The following FAT3 variants were observed in gnomAD, a reference collection of about 807,000 sequenced individuals.
FAT3 encodes FAT atypical cadherin 3.
FAT3 carries 95 observed loss-of-function variants against 310.2 expected under a neutral mutation model. The observed-to-expected ratio is 0.31, with a 90% confidence interval of 0.26 to 0.36. FAT3 has a LOEUF of 0.36. Among genes scored for constraint, FAT3 ranks in the 10% least tolerant of loss-of-function variants. The pLI, the probability that FAT3 is intolerant of heterozygous loss-of-function variation, is 1.00. For missense variants in FAT3, 5,408 were observed against 5,715.6 expected (o/e 0.95, Z 1.74); for synonymous variants, 2,314 against 2,192.9 (o/e 1.06, Z -1.54).
At chr11:92,323,229 A>G (rs912735319) in intron 1 of FAT3, among the ~76,000 whole-genome samples, 11 of 151,000 alleles carry the variant, frequency 7.3e-5, no homozygotes, top group South Asian at 2.1e-4. Context: ...ACATATATAT[A>G]TGTGTGTGTG....
chr11:92,535,249 T>C (rs530291068), intron 3 of FAT3, among the ~76,000 whole-genome samples: 3 of 152,148 alleles, frequency 2.0e-5, no homozygotes, highest in South Asian at 2.1e-4. Flanking sequence ...GAAGCAGAGA[T>C]TGGAGTGATG....
At chr11:92,300,986 G>A (rs1591074364) in intron 1 of FAT3, among the ~76,000 whole-genome samples, 1 of 152,176 alleles carries the variant, frequency 6.6e-6, no homozygotes, top group Admixed American at 6.5e-5. Flanking sequence ...TCCACATTTG[G>A]CTTGGTGCCA....
chr11:92,336,059 C>G, intron 1 of FAT3: 1 of 504,444 alleles, frequency 2.0e-6, no homozygotes, highest in Admixed American at 2.3e-5. Context: ...GCAACTGGAT[C>G]GTGCTGGGGT....
intron 2 of FAT3, among the ~76,000 whole-genome samples, chr11:92,445,744 G>C (rs778505890): frequency 1.3e-5 from 2 of 152,102 alleles, no homozygotes; most frequent in Non-Finnish European, 2.9e-5. Context: ...TCATTTTTGG[G>C]GGGGTGCAGG....
At chr11:92,232,418 A>C (rs768380037) in intron 1 of FAT3, among the ~76,000 whole-genome samples, 4 of 152,236 alleles carry the variant, frequency 2.6e-5, no homozygotes, top group Non-Finnish European at 5.9e-5. Flanking sequence ...CCTGGAATTG[A>C]ATATAATTAA....
intron 10 of FAT3, among the ~76,000 whole-genome samples, chr11:92,804,581 C>G (rs182153960): frequency 6.6e-6 from 1 of 152,272 alleles, no homozygotes; most frequent in East Asian, 1.9e-4. Context: ...CTTTGAACTG[C>G]TTTTTAAATG....
chr11:92,338,936 G>T (rs775355382), intron 1 of FAT3, among the ~76,000 whole-genome samples: 1 of 152,102 alleles, frequency 6.6e-6, no homozygotes, highest in Non-Finnish European at 1.5e-5. Flanking sequence ...CAGTGGAAGG[G>T]AACCCAGTTT....
intron 14 of FAT3, among the ~76,000 whole-genome samples, chr11:92,833,705 T>C (rs1374778237): frequency 6.6e-6 from 1 of 152,178 alleles, no homozygotes; most frequent in African/African-American, 2.4e-5. Flanking sequence ...GCAGTAACTG[T>C]TTATTAAGGT....
chr11:92,264,013 G>T (rs941147747), intron 1 of FAT3, among the ~76,000 whole-genome samples: 1 of 152,074 alleles, frequency 6.6e-6, no homozygotes, highest in African/African-American at 2.4e-5. Flanking sequence ...AAATTAAGCT[G>T]CAGAGTAGTT....
intron 3 of FAT3, among the ~76,000 whole-genome samples, chr11:92,553,324 T>C (rs1004469185): frequency 2.6e-5 from 4 of 152,242 alleles, no homozygotes; most frequent in African/African-American, 9.6e-5. Context: ...CACAAATGTT[T>C]GCAGAGTTCC....
intron 2 of FAT3, among the ~76,000 whole-genome samples, chr11:92,411,169 T>A (rs976243502): frequency 7.6e-5 from 11 of 144,926 alleles, no homozygotes; most frequent in Admixed American, 4.9e-4. Context: ...ATAATATATA[T>A]ATAAATATAT....
chr11:92,503,800 C>T (rs76949970), intron 2 of FAT3, among the ~76,000 whole-genome samples: 6,556 of 152,076 alleles, frequency 0.043, 172 homozygotes, highest in East Asian at 0.084. Context: ...AAAAATAATG[C>T]ACACTTGTTT....
chr11:92,684,435 A>T (rs490958), intron 3 of FAT3, among the ~76,000 whole-genome samples: 3 of 152,040 alleles, frequency 2.0e-5, no homozygotes, highest in African/African-American at 7.2e-5. Flanking sequence ...GCAGCTCTTA[A>T]TTTTAAATTT....
intron 2 of FAT3, among the ~76,000 whole-genome samples, chr11:92,380,149 A>T (rs1482148382): frequency 1.3e-5 from 2 of 150,756 alleles, no homozygotes; most frequent in Admixed American, 1.3e-4. Context: ...TATAACAGGG[A>T]TTTTGTGTGA....
intron 4 of FAT3, among the ~76,000 whole-genome samples, chr11:92,749,459 A>T (rs1945768298): frequency 6.6e-6 from 1 of 152,180 alleles, no homozygotes; most frequent in Non-Finnish European, 1.5e-5. Context: ...ATCTGTCTGG[A>T]CCTCAGTTTC....
rs567931602 is a variant in FAT3 at position 92,348,536 on chromosome 11, G to C, written c.-17-3560G>C. Among the ~76,000 whole-genome samples the C allele has an allele frequency of 2.6e-5, 4 of 152,300 alleles. No homozygotes were observed. The East Asian group carries it at 7.7e-4, about 29-fold the overall frequency. On this transcript the variant is annotated intron_variant, in intron 1 of 27. Coordinates refer to ENST00000525166, the MANE Select transcript of FAT3 (RefSeq NM_001367949.2). ...TTATTTATAAACAGTTAACTACTTA[G>C]AGGAAGAAATAACACCAGGGAGAGT...
chr11:92,696,105 C>CTATA (rs767284294), intron 3 of FAT3, among the ~76,000 whole-genome samples: 2 of 133,122 alleles, frequency 1.5e-5, no homozygotes, highest in Non-Finnish European at 3.3e-5. Context: ...TCATTTTTTA[C>CTATA]TATATATATA....
chr11:92,533,493 A>G (rs1954148286), intron 3 of FAT3, among the ~76,000 whole-genome samples: 1 of 152,212 alleles, frequency 6.6e-6, no homozygotes, highest in African/African-American at 2.4e-5. Context: ...TATGAGAAGC[A>G]GATTTGGATC....
At chr11:92,336,405 G>A in intron 1 of FAT3, 1 of 340,122 alleles carries the variant, frequency 2.9e-6, no homozygotes, top group East Asian at 7.2e-5. Flanking sequence ...GGAGAAGCTG[G>A]ATTCCCAGCG....
Sources: allele counts gnomAD v4.1 joint callset (sites outside exome capture counted in the v4.1 genomes callset), GRCh38; gene constraint gnomAD v4.1.1; transcripts MANE v1.5; gene names NCBI Gene and HGNC (gene_info 2026-07-23, HGNC 2026-07-21).